The following SIK2 variants were observed in gnomAD, a reference collection of about 807,000 sequenced individuals.
SIK2 encodes salt inducible kinase 2.
SIK2 carries 29 observed loss-of-function variants against 103.2 expected under a neutral mutation model. That is an observed-to-expected ratio of 0.28 (90% CI 0.21 to 0.38). SIK2 has a LOEUF of 0.38. Ranked by LOEUF, SIK2 falls within the 10% of genes least tolerant of loss-of-function variation. The pLI, the probability that SIK2 is intolerant of heterozygous loss-of-function variation, is 1.00. For synonymous variants in SIK2, 412 were observed against 446.1 expected (o/e 0.92, Z 0.96); for missense variants, 879 against 1,171.0 (o/e 0.75, Z 3.64).
intron 3 of SIK2, among the ~76,000 whole-genome samples, chr11:111,634,009 G>A (rs1164978070): frequency 6.6e-6 from 1 of 152,098 alleles, no homozygotes. Flanking sequence ...TGCAGTAAAT[G>A]GCACAAAGAT....
chr11:111,708,410 A>G (rs1219825966), intron 8 of SIK2, among the ~76,000 whole-genome samples: 1 of 152,118 alleles, frequency 6.6e-6, no homozygotes, highest in Non-Finnish European at 1.5e-5. Flanking sequence ...AAAAATAAAT[A>G]AAGTACTCAT....
At position 111,700,966 on chromosome 11, in the gene SIK2, G is replaced by A. The variant is rs1168203713; in HGVS notation, c.559G>A (p.Val187Ile). 1.9e-6 allele frequency: 3 copies of A among 1,613,972 alleles called. No homozygotes were observed. The African/African-American group carries it at 4.0e-5, about 22-fold the overall frequency. Residue 187 changes from valine to isoleucine, a missense_variant, in exon 5 of 15, where the codon GTC (valine) becomes ATC (isoleucine). Transcript: ENST00000304987. The part of the protein sequence containing the change: ...CGSPPYAAPE[V>I]FEGQQYEGPQ... ...CAGCCCCCCTTATGCAGCCCCAGAA[G>A]TCTTTGAAGGGCAGCAGTATGAAGG...
intron 3 of SIK2, among the ~76,000 whole-genome samples, chr11:111,627,057 G>A (rs1941970752): frequency 1.3e-5 from 2 of 152,122 alleles, no homozygotes; most frequent in Admixed American, 6.6e-5. Flanking sequence ...GAGCCTAGGA[G>A]AAACTAAGAT....
chr11:111,658,202 T>C (rs1184253056), intron 3 of SIK2, among the ~76,000 whole-genome samples: 1 of 151,880 alleles, frequency 6.6e-6, no homozygotes, highest in African/African-American at 2.4e-5. Context: ...CTCGGCTCAC[T>C]GCAACCTCCG....
rs146140630 is a variant in SIK2 at position 111,716,864 on chromosome 11, C to G, written c.1267-2911C>G. ...ACAGACAACCCACAGAATGAGAGAA[C>G]ATTTTTGCAATCTATCCATCTGACA... On this transcript the variant is annotated intron_variant, in intron 9 of 14. Coordinates refer to ENST00000304987, the MANE Select transcript of SIK2 (RefSeq NM_015191.3). Among the ~76,000 whole-genome samples the G allele has an allele frequency of 2.0e-5, 3 of 152,222 alleles. No individual in the cohort carries two copies. In the East Asian group the frequency reaches 5.8e-4, roughly 29 times the overall value.
chr11:111,708,065 A>G (rs1943398344), intron 8 of SIK2, among the ~76,000 whole-genome samples: 1 of 152,202 alleles, frequency 6.6e-6, no homozygotes, highest in African/African-American at 2.4e-5. Flanking sequence ...GCTCCCCTTA[A>G]GAAGTTCATA....
Position 111,701,331 on chromosome 11 carries a change from T to C in SIK2, c.604-121T>C. 1 of 1,321,252 alleles carries C rather than the reference T, an allele frequency of 7.6e-7. No homozygotes were observed. Among genetic ancestry groups the C allele is most frequent in the South Asian group, 1.8e-5 (1 of 55,700 alleles). The allele number at this position is 1,321,252 out of a possible 1,614,324, so 81.8% of individuals were successfully genotyped here. A position where few individuals can be genotyped will look rare whatever the true frequency, so the allele number is the denominator to read the frequency against. On this transcript the variant is annotated intron_variant, in intron 5 of 14. Coordinates refer to ENST00000304987, the MANE Select transcript of SIK2 (RefSeq NM_015191.3). This position sits in a 1 kb window ranked among gnomAD's most constrained non-coding sequence, Gnocchi z 4.2. Reference sequence around the variant, plus strand: ...GGATTTTTTTCAAATTCTGAGAAAATAATAAATCCAGACAGGAATTTTTCA... The same window carrying C: ...GGATTTTTTTCAAATTCTGAGAAAACAATAAATCCAGACAGGAATTTTTCA...
Position 111,693,140 on chromosome 11 carries a change from TG to T in SIK2, c.478+4980del, listed in dbSNP as rs1340172161. ...CGAGGGCAGGATTTCGAGACCATCC[TG>T]GCCAACATGGTGAAACCCCGTCTCT... On this transcript the variant is annotated intron_variant, in intron 4 of 14. Transcript: ENST00000304987. 2.6e-5 allele frequency among the ~76,000 whole-genome samples: 4 copies of T among 152,232 alleles called. No individual in the cohort carries two copies. In the East Asian group the frequency reaches 7.7e-4, roughly 29 times the overall value.
Position 111,688,261 on chromosome 11 carries a change from C to A in SIK2, c.478+99C>A. On this transcript the variant is annotated intron_variant, in intron 4 of 14. Coordinates refer to ENST00000304987, the MANE Select transcript of SIK2 (RefSeq NM_015191.3). This position sits in a 1 kb window ranked among gnomAD's most constrained non-coding sequence, Gnocchi z 4.2. ...AGGCGCAGATTCAGCAGCATTTCTA[C>A]CTGATGACATCAGGCTATCTCAAAG... 8.3e-7 allele frequency: 1 copy of A among 1,197,904 alleles called. No individual in the cohort carries two copies. Among genetic ancestry groups the A allele is most frequent in the Non-Finnish European group, 1.2e-6 (1 of 825,300 alleles). The allele number at this position is 1,197,904 out of a possible 1,614,324, so 74.2% of individuals were successfully genotyped here. A position where few individuals can be genotyped will look rare whatever the true frequency, so the allele number is the denominator to read the frequency against.
At chr11:111,637,321 TA>T (rs1316620319) in intron 3 of SIK2, among the ~76,000 whole-genome samples, 1 of 151,994 alleles carries the variant, frequency 6.6e-6, no homozygotes, top group Non-Finnish European at 1.5e-5. Context: ...TTTTTATTTT[TA>T]TTTTTTTAGT....
intron 8 of SIK2, among the ~76,000 whole-genome samples, chr11:111,707,029 A>G (rs1029546167): frequency 1.3e-5 from 2 of 152,036 alleles, no homozygotes; most frequent in African/African-American, 4.8e-5. Flanking sequence ...AGTTCCAGAC[A>G]CTTGAGTTAG....
chr11:111,653,536 G>GACT (rs1942354365), intron 3 of SIK2, among the ~76,000 whole-genome samples: 1 of 152,208 alleles, frequency 6.6e-6, no homozygotes, highest in Non-Finnish European at 1.5e-5. Flanking sequence ...TAGGAAAGAG[G>GACT]ACTACTTCAG....
intron 3 of SIK2, among the ~76,000 whole-genome samples, chr11:111,668,515 T>G (rs1301316213): frequency 2.6e-5 from 4 of 152,232 alleles, no homozygotes; most frequent in Non-Finnish European, 4.4e-5. Context: ...ACCTTAGGTC[T>G]GAGCTATGAC....
In SIK2 at chr11:111,722,734, G is replaced by A. The variant is rs1265390652; in HGVS notation, c.2125G>A (p.Glu709Lys). 1 of 1,614,032 alleles carries A rather than the reference G, an allele frequency of 6.2e-7. No homozygotes were observed. The highest frequency in any genetic ancestry group is 1.3e-5 in the African/African-American group (1 of 75,036). ...TTGCAAAGAACCACCGCGGAGCCTT[G>A]AGCAGCAGCTGCAGGAACATAGGTG... ...LYCKEPPRSL[E>K]QQLQEHRLQQ... Residue 709 changes from glutamate (E) to lysine (K), a missense_variant, in exon 14 of 15, where the codon GAG becomes AAG. Glu to Lys is a moderately conservative substitution (Grantham distance 56, BLOSUM62 1). Coordinates refer to ENST00000304987, the MANE Select transcript of SIK2 (RefSeq NM_015191.3). The surrounding 1 kb of genome is among the most constrained non-coding windows in gnomAD (Gnocchi z 4.4).
chr11:111,705,287 A>C lies in SIK2; in HGVS notation c.1101+148A>C. The C allele has an allele frequency of 1.3e-6, 1 of 779,206 alleles. No homozygotes were observed. The highest frequency in any genetic ancestry group is 1.8e-6 in the Non-Finnish European group (1 of 551,818). 48.3% of individuals were successfully genotyped at this position (779,206 alleles called of 1,614,324 possible). A position where few individuals can be genotyped will look rare whatever the true frequency, so the allele number is the denominator to read the frequency against. On this transcript the variant is annotated intron_variant, in intron 8 of 14. Transcript: ENST00000304987. The surrounding 1 kb of genome is among the most constrained non-coding windows in gnomAD (Gnocchi z 4.3). ...CTGCCTGCCATTCACTAGATTCTCAAATGTTTTAGCACTTCCTCATTTTTA... is the reference window on the plus strand; with the variant it reads ...CTGCCTGCCATTCACTAGATTCTCACATGTTTTAGCACTTCCTCATTTTTA...
chr11:111,704,469 A>G (rs936582051), intron 7 of SIK2, among the ~76,000 whole-genome samples: 1 of 152,222 alleles, frequency 6.6e-6, no homozygotes, highest in Non-Finnish European at 1.5e-5. Context: ...TTACCTAAGA[A>G]CGGAGACATA....
At chr11:111,613,091 A>T (rs1797761282) in intron 1 of SIK2, among the ~76,000 whole-genome samples, 1 of 151,884 alleles carries the variant, frequency 6.6e-6, no homozygotes, top group Non-Finnish European at 1.5e-5. Context: ...AACATTTTAA[A>T]CTTTTTAATA....
rs79329900 is a variant in SIK2, at chr11:111,720,866, G to C, written c.1781-33G>C. 3,727 of 1,607,418 alleles carry C rather than the reference G, an allele frequency of 2.3e-3. 78 individuals carry two copies. In the African/African-American group the frequency reaches 0.043, roughly 18 times the overall value. On this transcript the variant is annotated intron_variant, in intron 11 of 14. Transcript: ENST00000304987. ...GGTCACTGAAAGGCCTTGTATTTTA[G>C]TTAAACTGTTTGGTCTTGGTGCTTT...
At position 111,723,563 on chromosome 11, in the gene SIK2, A is replaced by G; in HGVS notation, c.2215A>G (p.Ile739Val). The change falls in exon 15 of 15, where the codon ATA becomes GTA. Residue 739 changes from isoleucine to valine, a missense_variant. Transcript: ENST00000304987. ...QLQAYFNQMQ[I>V]AESSYPQPSQ... ...GCAGGCCTATTTTAATCAGATGCAG[A>G]TAGCAGAGAGCTCCTACCCACAGCC... The G allele has an allele frequency of 6.2e-7, 1 of 1,614,212 alleles. No homozygotes were observed. Among genetic ancestry groups the G allele is most frequent in the Non-Finnish European group, 8.5e-7 (1 of 1,180,032 alleles).
Sources: gnomAD v4.1 joint callset for allele counts (sites outside exome capture counted in the v4.1 genomes callset) on GRCh38, gnomAD v4.1.1 for gene constraint, Gnocchi (gnomAD v3.1) non-coding constraint, MANE v1.5 for transcripts, NCBI Gene and HGNC (gene_info 2026-07-23, HGNC 2026-07-21) for gene names.